The following SLC26A7 variants were observed in gnomAD, a reference collection of about 807,000 sequenced individuals.
SLC26A7 encodes anion exchange transporter.
SLC26A7 carries 59 observed loss-of-function variants against 82.5 expected under a neutral mutation model. The observed-to-expected ratio is 0.72, with a 90% CI of 0.58 to 0.89. The LOEUF (loss-of-function observed/expected upper bound fraction) is 0.89. Among genes scored for constraint, SLC26A7 ranks in the 40% least tolerant of loss-of-function variants. SLC26A7 has a pLI of 0.00. For missense variants in SLC26A7, 820 were observed against 793.0 expected (o/e 1.03, Z -0.41); for synonymous variants, 271 against 274.3 (o/e 0.99, Z 0.12).
chr8:91,299,623 T>C (rs1812108495), intron 4 of SLC26A7, among the ~76,000 whole-genome samples: 1 of 152,196 alleles, frequency 6.6e-6, no homozygotes, highest in Non-Finnish European at 1.5e-5. Context: ...TTTTGGGACT[T>C]TCTTTGCTAT....
chr8:91,374,584 C>CA (rs1290969577), intron 15 of SLC26A7, among the ~76,000 whole-genome samples: 2 of 151,792 alleles, frequency 1.3e-5, no homozygotes, highest in Admixed American at 1.3e-4. Context: ...CACTGTATTC[C>CA]AAAAAGATGC....
rs954282141 is a variant in SLC26A7, at chr8:91,300,815, G to T, written c.477+5112G>T. ...AATTGTGAAAACAGTGGGCATTCTT[G>T]CCCTTTCATGAGCTTACTTATAATG... is the stretch of plus-strand genomic sequence containing the variant. On this transcript the variant is annotated intron_variant, in intron 4 of 18. Transcript: ENST00000276609. 4.6e-5 allele frequency among the ~76,000 whole-genome samples: 7 copies of T among 152,250 alleles called. No individual in the cohort carries two copies. The East Asian group carries it at 9.6e-4, about 21-fold the overall frequency.
At chr8:91,387,990 A>C (rs1814843371) in intron 15 of SLC26A7, among the ~76,000 whole-genome samples, 1 of 152,258 alleles carries the variant, frequency 6.6e-6, no homozygotes, top group Non-Finnish European at 1.5e-5. Flanking sequence ...GAAACTGAAA[A>C]CCAAGTCTTA....
intron 14 of SLC26A7, among the ~76,000 whole-genome samples, chr8:91,369,358 G>A (rs1316732569): frequency 9.4e-6 from 1 of 105,970 alleles, no homozygotes; most frequent in Non-Finnish European, 1.9e-5. Flanking sequence ...TTAACTGTAG[G>A]ATACAGAGCT....
At chr8:91,210,562 GACACACAC>G (rs35968986) in intron 1 of SLC26A7, among the ~76,000 whole-genome samples, 63,348 of 146,072 alleles carry the variant, frequency 0.43, 15,315 homozygotes, top group South Asian at 0.64. Flanking sequence ...CACACACACA[GACACACAC>G]ACACACACAC....
At chr8:91,333,723 T>C (rs142917262) in intron 5 of SLC26A7, among the ~76,000 whole-genome samples, 8 of 152,280 alleles carry the variant, frequency 5.3e-5, no homozygotes, top group East Asian at 1.9e-4. Flanking sequence ...AACGTCTCAA[T>C]TTTTTACTAT....
exon 2 of SLC26A7, chr8:91,218,902 A>G: frequency 6.5e-7 from 1 of 1,548,162 alleles, no homozygotes; most frequent in African/African-American, 1.4e-5. Flanking sequence ...CTGGAAGATA[A>G]GCAAGAATCT....
chr8:91,366,804 A>G (rs1420900382), intron 14 of SLC26A7, 87 bp downstream of exon 14: 3 of 1,418,918 alleles, frequency 2.1e-6, no homozygotes, highest in Non-Finnish European at 2.9e-6. Context: ...ATAATAATAC[A>G]TCACACGAGT....
intron 9 of SLC26A7, among the ~76,000 whole-genome samples, chr8:91,344,412 A>C (rs747032562): frequency 6.6e-6 from 1 of 152,206 alleles, no homozygotes; most frequent in Non-Finnish European, 1.5e-5. Context: ...CAAACAATTT[A>C]TGTTTAAGAT....
At chr8:91,301,352 C>G (rs1234853923) in intron 4 of SLC26A7, among the ~76,000 whole-genome samples, 1 of 152,052 alleles carries the variant, frequency 6.6e-6, no homozygotes, top group Non-Finnish European at 1.5e-5. Context: ...GCCTGGTGCT[C>G]TTTTGTAAGA....
intron 4 of SLC26A7, among the ~76,000 whole-genome samples, chr8:91,313,718 T>G (rs540743600): frequency 2.0e-5 from 3 of 152,332 alleles, no homozygotes; most frequent in East Asian, 3.9e-4. Context: ...GTGTGAACTG[T>G]ATCTTTAGCT....
At chr8:91,299,220 G>T (rs1467491118) in intron 4 of SLC26A7, among the ~76,000 whole-genome samples, 2 of 151,902 alleles carry the variant, frequency 1.3e-5, no homozygotes, top group Non-Finnish European at 2.9e-5. Flanking sequence ...CCCTTTTTCT[G>T]TGATAGATGT....
intron 15 of SLC26A7, among the ~76,000 whole-genome samples, chr8:91,379,904 G>A (rs1814622052): frequency 6.6e-6 from 1 of 151,974 alleles, no homozygotes; most frequent in South Asian, 2.1e-4. Context: ...ATAAAATGCA[G>A]AAAGGACTGC....
intron 2 of SLC26A7, among the ~76,000 whole-genome samples, chr8:91,230,449 A>G (rs917106866): frequency 7.9e-5 from 12 of 152,146 alleles, no homozygotes; most frequent in African/African-American, 2.9e-4. Flanking sequence ...CTCCCATGCT[A>G]TTCCCACCTG....
intron 2 of SLC26A7, among the ~76,000 whole-genome samples, chr8:91,222,342 A>G (rs945957806): frequency 3.3e-5 from 5 of 152,122 alleles, no homozygotes; most frequent in South Asian, 2.1e-4. Flanking sequence ...CTCTCTTCCT[A>G]TTTGAATACC....
At chr8:91,355,946 C>A (rs1314455895) in intron 11 of SLC26A7, among the ~76,000 whole-genome samples, 1 of 151,982 alleles carries the variant, frequency 6.6e-6, no homozygotes, top group Non-Finnish European at 1.5e-5. Context: ...TCTCATTGTT[C>A]AATTCCCACC....
At chr8:91,317,957 T>A (rs372247818) in intron 4 of SLC26A7, among the ~76,000 whole-genome samples, 2 of 121,076 alleles carry the variant, frequency 1.7e-5, no homozygotes, top group Non-Finnish European at 3.6e-5. Context: ...TATATATATA[T>A]AAAATAAAAA....
At chr8:91,321,704 A>G (rs1457813770) in intron 5 of SLC26A7, among the ~76,000 whole-genome samples, 1 of 152,200 alleles carries the variant, frequency 6.6e-6, no homozygotes, top group Non-Finnish European at 1.5e-5. Context: ...TTTTATCTCT[A>G]GATTCATATA....
chr8:91,356,349 TG>T (rs1813867738), intron 11 of SLC26A7, among the ~76,000 whole-genome samples: 1 of 152,048 alleles, frequency 6.6e-6, no homozygotes, highest in African/African-American at 2.4e-5. Flanking sequence ...CCACCAACAG[TG>T]TAAAAGTGTT....
Sources: allele counts gnomAD v4.1 joint callset (sites outside exome capture counted in the v4.1 genomes callset), GRCh38; gene constraint gnomAD v4.1.1; transcripts MANE v1.5; gene names NCBI Gene and HGNC (gene_info 2026-07-23, HGNC 2026-07-21).